The following RABGAP1L variants were observed in gnomAD, a reference collection of about 807,000 sequenced individuals.
RABGAP1L encodes RAB GTPase activating protein 1 like.
Under a neutral mutation model 137.7 loss-of-function variants are expected in RABGAP1L, and 63 were observed. That is an observed-to-expected ratio of 0.46 (90% confidence interval 0.37 to 0.56). The LOEUF (loss-of-function observed/expected upper bound fraction) is 0.56. Ranked by LOEUF, RABGAP1L falls within the 20% of genes least tolerant of loss-of-function variation. RABGAP1L has a pLI of 0.00. For synonymous variants in RABGAP1L, 431 were observed against 433.7 expected (o/e 0.99, Z 0.08); for missense variants, 1,095 against 1,244.0 (o/e 0.88, Z 1.80).
chr1:174,679,803 C>T (rs1457002172), intron 14 of RABGAP1L, among the ~76,000 whole-genome samples: 1 of 152,156 alleles, frequency 6.6e-6, no homozygotes, highest in Non-Finnish European at 1.5e-5. Context: ...TCACGGTAGG[C>T]ATTTCTGGGA....
chr1:174,778,260 A>T (rs940814143), intron 18 of RABGAP1L, among the ~76,000 whole-genome samples: 1 of 152,214 alleles, frequency 6.6e-6, no homozygotes, highest in African/African-American at 2.4e-5. Flanking sequence ...GTGGGACCAC[A>T]TGTTAAAAAT....
chr1:174,309,612 A>G (rs1455496172), intron 11 of RABGAP1L, among the ~76,000 whole-genome samples: 1 of 152,114 alleles, frequency 6.6e-6, no homozygotes, highest in African/African-American at 2.4e-5. Context: ...TGAAATTATC[A>G]TGTGATTTTT....
At chr1:174,439,309 A>T (rs952025071) in intron 13 of RABGAP1L, among the ~76,000 whole-genome samples, 1 of 152,202 alleles carries the variant, frequency 6.6e-6, no homozygotes, top group African/African-American at 2.4e-5. Flanking sequence ...AATTTGTCTC[A>T]TAATGAAATG....
At chr1:174,948,321 G>T (rs1490791023) in intron 19 of RABGAP1L, among the ~76,000 whole-genome samples, 1 of 151,932 alleles carries the variant, frequency 6.6e-6, no homozygotes, top group Non-Finnish European at 1.5e-5. Flanking sequence ...AGGGTTTCAA[G>T]ACCAGCCTGG....
chr1:174,354,885 C>T (rs1683489513), intron 11 of RABGAP1L, among the ~76,000 whole-genome samples: 1 of 152,164 alleles, frequency 6.6e-6, no homozygotes, highest in African/African-American at 2.4e-5. Flanking sequence ...ATATGGCTAG[C>T]CAGTTTTCCC....
chr1:174,332,708 C>T (rs572035373), intron 11 of RABGAP1L, among the ~76,000 whole-genome samples: 1 of 151,930 alleles, frequency 6.6e-6, no homozygotes, highest in African/African-American at 2.4e-5. Flanking sequence ...GAAACAGGAA[C>T]TCTTATATGC....
chr1:174,844,344 T>A (rs1693821633), intron 19 of RABGAP1L, among the ~76,000 whole-genome samples: 2 of 119,642 alleles, frequency 1.7e-5, no homozygotes, highest in African/African-American at 6.5e-5. Context: ...CTTCTAGGGT[T>A]TTTATGGTTT....
intron 11 of RABGAP1L, among the ~76,000 whole-genome samples, chr1:174,329,946 C>T: frequency 7.8e-6 from 1 of 127,678 alleles, no homozygotes. Context: ...CTTTGGTCTC[C>T]TGCAAAAAAA....
At chr1:174,258,624 TGACA>T (rs1673317508) in intron 7 of RABGAP1L, among the ~76,000 whole-genome samples, 2 of 152,164 alleles carry the variant, frequency 1.3e-5, no homozygotes, top group Admixed American at 1.3e-4. Context: ...TAACTGCTGC[TGACA>T]AAGTTAATTT....
At chr1:174,517,050 G>C (rs1471490262) in intron 13 of RABGAP1L, among the ~76,000 whole-genome samples, 3 of 151,986 alleles carry the variant, frequency 2.0e-5, no homozygotes, top group Non-Finnish European at 4.4e-5. Flanking sequence ...ATTTTAAAAT[G>C]TGGAGCTCAT....
intron 1 of RABGAP1L, among the ~76,000 whole-genome samples, chr1:174,199,667 G>T (rs4442420): frequency 0.5 from 75,523 of 152,036 alleles, 21,313 homozygotes; most frequent in African/African-American, 0.78. Flanking sequence ...CTTAATAGTG[G>T]ATTCCTTCAT....
intron 12 of RABGAP1L, among the ~76,000 whole-genome samples, chr1:174,389,734 A>T (rs538296916): frequency 2.6e-4 from 39 of 152,282 alleles, no homozygotes; most frequent in African/African-American, 8.4e-4. Context: ...AATGCCTTTT[A>T]TATGTGGGGC....
At chr1:174,955,876 G>A (rs777559708) in intron 19 of RABGAP1L, among the ~76,000 whole-genome samples, 1 of 152,146 alleles carries the variant, frequency 6.6e-6, no homozygotes, top group Non-Finnish European at 1.5e-5. Flanking sequence ...CAGCCCAGGA[G>A]TTTGAGACCA....
At chr1:174,883,469 G>GC (rs1344270269) in intron 19 of RABGAP1L, among the ~76,000 whole-genome samples, 3 of 152,144 alleles carry the variant, frequency 2.0e-5, no homozygotes, top group African/African-American at 4.8e-5. Flanking sequence ...GGTTACCCTG[G>GC]AGAATTACTT....
intron 19 of RABGAP1L, among the ~76,000 whole-genome samples, chr1:174,833,313 T>G (rs926801934): frequency 6.7e-6 from 1 of 149,516 alleles, no homozygotes. Context: ...GATCCTCTCA[T>G]CACAGCTACT....
chr1:174,408,223 A>C (rs11810824), intron 13 of RABGAP1L, among the ~76,000 whole-genome samples: 53,985 of 151,974 alleles, frequency 0.36, 12,123 homozygotes, highest in African/African-American at 0.64. Context: ...TGTCTCCTTC[A>C]GCCTTCTGTT....
chr1:174,560,838 T>C (rs72715240), intron 13 of RABGAP1L, among the ~76,000 whole-genome samples: 31,905 of 152,122 alleles, frequency 0.21, 3,700 homozygotes, highest in Admixed American at 0.25. Context: ...GTTCCCGTGT[T>C]AATTTGCTTA....
At chr1:174,659,487 A>T (rs1676213269) in intron 14 of RABGAP1L, among the ~76,000 whole-genome samples, 3 of 152,014 alleles carry the variant, frequency 2.0e-5, no homozygotes, top group Non-Finnish European at 2.9e-5. Context: ...CACTTTCTTC[A>T]CTTGGCTTCT....
intron 19 of RABGAP1L, among the ~76,000 whole-genome samples, chr1:174,905,415 A>G (rs1658883030): frequency 6.6e-6 from 1 of 152,212 alleles, no homozygotes; most frequent in African/African-American, 2.4e-5. Context: ...TTTAGCAAAG[A>G]TTGAAATAAC....
Sources: gnomAD v4.1 joint callset for allele counts (sites outside exome capture counted in the v4.1 genomes callset) on GRCh38, gnomAD v4.1.1 for gene constraint, MANE v1.5 for transcripts, NCBI Gene and HGNC (gene_info 2026-07-23, HGNC 2026-07-21) for gene names.